Variants in MACO1 observed in about 807,000 individuals in gnomAD.
MACO1 encodes the protein macoilin 1, also known as macoilin.
A neutral mutation model predicts 78.7 loss-of-function variants in MACO1; 14 were observed. The ratio of observed to expected loss-of-function variants is 0.18; its 90% CI spans 0.12 to 0.28. The LOEUF (loss-of-function observed/expected upper bound fraction) is 0.28. Among genes scored for constraint, MACO1 ranks in the 10% least tolerant of loss-of-function variants. The pLI is 1.00. For missense variants in MACO1, 501 were observed against 799.0 expected (o/e 0.63, Z 4.50); for synonymous variants, 288 against 291.6 (o/e 0.99, Z 0.12).
intron 6 of MACO1, among the ~76,000 whole-genome samples, chr1:25,469,820 G>C (rs1355204557): frequency 1.3e-5 from 2 of 151,782 alleles, no homozygotes; most frequent in Non-Finnish European, 2.9e-5. Flanking sequence ...TAGAGACGGG[G>C]TTTCACCGTA....
At chr1:25,459,235 G>T (rs1366792086) in intron 6 of MACO1, among the ~76,000 whole-genome samples, 1 of 151,582 alleles carries the variant, frequency 6.6e-6, no homozygotes. Flanking sequence ...AAAAAGAAGA[G>T]TTTGTGCTTG....
At chr1:25,456,041 C>T (rs1368187622) in intron 4 of MACO1, among the ~76,000 whole-genome samples, 1 of 152,060 alleles carries the variant, frequency 6.6e-6, no homozygotes, top group Non-Finnish European at 1.5e-5. Flanking sequence ...GAGTGGATCA[C>T]GAGGTCGAGA....
At chr1:25,444,094 A>C (rs2042995115) in intron 1 of MACO1, among the ~76,000 whole-genome samples, 1 of 151,984 alleles carries the variant, frequency 6.6e-6, no homozygotes, top group Admixed American at 6.6e-5. Flanking sequence ...TCTACTAAAA[A>C]AATACAAAAA....
intron 6 of MACO1, among the ~76,000 whole-genome samples, chr1:25,477,167 C>T (rs1433076003): frequency 6.6e-6 from 1 of 152,152 alleles, no homozygotes; most frequent in African/African-American, 2.4e-5. Flanking sequence ...ACATGGAGAG[C>T]TTTAGGGTTT....
At chr1:25,484,009 G>A (rs2043404288) in intron 6 of MACO1, 107 bp from the exon 7 acceptor site, 1 of 1,150,536 alleles carries the variant, frequency 8.7e-7, no homozygotes. Flanking sequence ...TGCCAGCGGG[G>A]TCCTTTTTCT....
At chr1:25,471,079 C>T (rs2043264781) in intron 6 of MACO1, among the ~76,000 whole-genome samples, 1 of 151,618 alleles carries the variant, frequency 6.6e-6, no homozygotes, top group South Asian at 2.1e-4. Context: ...TGGCTCACAC[C>T]TGTAATCCCA....
chr1:25,455,208 TTAA>T (rs1488017902), intron 4 of MACO1, among the ~76,000 whole-genome samples: 2 of 152,214 alleles, frequency 1.3e-5, no homozygotes, highest in Non-Finnish European at 2.9e-5. Context: ...GAGAATATTA[TTAA>T]TAATTTTTGA....
chr1:25,470,380 A>G lies in MACO1; in HGVS notation c.1154+11488A>G, dbSNP rs747715249. Among the ~76,000 whole-genome samples the G allele has an allele frequency of 4.6e-5, 7 of 152,362 alleles. No individual in the cohort carries two copies. In the East Asian group the frequency reaches 5.8e-4, roughly 13 times the overall value. On this transcript the variant is annotated intron_variant, in intron 6 of 10. Transcript: ENST00000374343. ...GAAGGTGGAGAAGAAGATTCAGAGC[A>G]TGTAGCCCAAGGTTGTTAATAGGCA...
At chr1:25,450,086 A>G (rs2043052053) in intron 3 of MACO1, among the ~76,000 whole-genome samples, 1 of 152,162 alleles carries the variant, frequency 6.6e-6, no homozygotes, top group Non-Finnish European at 1.5e-5. Flanking sequence ...CATCGCCTCA[A>G]TCCCAAACAT....
chr1:25,489,122 C>T (rs2043461309), intron 8 of MACO1, 51 bp from the exon 9 acceptor site: 1 of 1,579,912 alleles, frequency 6.3e-7, no homozygotes. Flanking sequence ...GGCCCAGCCC[C>T]AACCTATAGT....
intron 1 of MACO1, among the ~76,000 whole-genome samples, chr1:25,441,919 A>G (rs763866121): frequency 6.6e-6 from 1 of 152,262 alleles, no homozygotes; most frequent in Non-Finnish European, 1.5e-5. Flanking sequence ...CCATTTGGTG[A>G]TAAGTACGGA....
In MACO1 at chr1:25,485,472, G is replaced by T; in HGVS notation, c.1314-141G>T. 7.8e-6 allele frequency: 6 copies of T among 771,326 alleles called. No individual in the cohort carries two copies. The highest frequency in any genetic ancestry group is 1.2e-5 in the Non-Finnish European group (6 of 491,754). 47.8% of individuals were successfully genotyped at this position (771,326 alleles called of 1,614,324 possible). ...AAGAATAACAGTGTGTTTTCCTCAG[G>T]CATTCTGGGCATTGACATTTTTGAT... On this transcript the variant is annotated intron_variant, in intron 7 of 10. Transcript: ENST00000374343. This position sits in a 1 kb window ranked among gnomAD's most constrained non-coding sequence, Gnocchi z 4.3.
At chr1:25,496,962 G>A (rs950419510) in intron 10 of MACO1, among the ~76,000 whole-genome samples, 1 of 152,154 alleles carries the variant, frequency 6.6e-6, no homozygotes, top group Non-Finnish European at 1.5e-5. Flanking sequence ...CCCATCATGG[G>A]GTTGTCGTAA....
chr1:25,443,136 C>T (rs2042986433), intron 1 of MACO1, among the ~76,000 whole-genome samples: 1 of 152,216 alleles, frequency 6.6e-6, no homozygotes, highest in East Asian at 1.9e-4. Context: ...AATCTTATGA[C>T]CTTCAGAATA....
At chr1:25,454,438 ATGTGTGTGTGTG>A (rs71589767) in intron 4 of MACO1, 56 bp downstream of exon 4, 21 of 258,916 alleles carry the variant, frequency 8.1e-5, no homozygotes, top group African/African-American at 1.2e-4. Context: ...ATGTATATAT[ATGTGTGTGTGTG>A]TGTGTGTGTG....
intron 6 of MACO1, among the ~76,000 whole-genome samples, chr1:25,468,721 T>C (rs1214367668): frequency 6.6e-6 from 1 of 152,084 alleles, no homozygotes; most frequent in Non-Finnish European, 1.5e-5. Context: ...GGGAAAACAT[T>C]GCTCAGGATT....
At chr1:25,438,812 C>T (rs1321307961) in intron 1 of MACO1, among the ~76,000 whole-genome samples, 2 of 152,030 alleles carry the variant, frequency 1.3e-5, no homozygotes, top group Non-Finnish European at 2.9e-5. Context: ...CTTGGGAGAA[C>T]TGCTTGAACC....
intron 6 of MACO1, among the ~76,000 whole-genome samples, chr1:25,466,441 G>A (rs958430935): frequency 6.6e-6 from 1 of 152,108 alleles, no homozygotes; most frequent in Non-Finnish European, 1.5e-5. Context: ...AGCCTCTCGA[G>A]TAGCTGGGAT....
intron 1 of MACO1, among the ~76,000 whole-genome samples, chr1:25,432,439 C>T (rs2042884091): frequency 6.6e-6 from 1 of 152,182 alleles, no homozygotes; most frequent in Non-Finnish European, 1.5e-5. Flanking sequence ...AGGAGTAATT[C>T]ATTCATTCAT....
Sources: gnomAD v4.1 joint callset for allele counts (sites outside exome capture counted in the v4.1 genomes callset) on GRCh38, gnomAD v4.1.1 for gene constraint, Gnocchi (gnomAD v3.1) non-coding constraint, MANE v1.5 for transcripts, NCBI Gene and HGNC (gene_info 2026-07-23, HGNC 2026-07-21) for gene names.